The following AGBL4 variants were observed in gnomAD, a reference collection of about 807,000 sequenced individuals.
AGBL4 encodes the protein cytosolic carboxypeptidase 6.
In AGBL4, 58 loss-of-function variants were observed where a neutral mutation model predicts 66.4. That is an observed-to-expected ratio of 0.87 (90% CI 0.71 to 1.09). The LOEUF (loss-of-function observed/expected upper bound fraction) is 1.09. Among genes scored for constraint, AGBL4 ranks in the 50% least tolerant of loss-of-function variants. The pLI, the probability that AGBL4 is intolerant of heterozygous loss-of-function variation, is 0.00. For synonymous variants in AGBL4, 234 were observed against 222.9 expected, an observed-to-expected ratio of 1.05 and a Z score of -0.44; for missense variants, 579 against 631.0, an observed-to-expected ratio of 0.92 and a Z score of 0.88.
intron 3 of AGBL4, among the ~76,000 whole-genome samples, chr1:49,263,490 A>G (rs1251966757): frequency 6.6e-6 from 1 of 152,128 alleles, no homozygotes; most frequent in Admixed American, 6.6e-5. Context: ...ATCAGACAAG[A>G]TATAGAAGGA....
chr1:48,711,478 T>A (rs186478), intron 6 of AGBL4, among the ~76,000 whole-genome samples: 1 of 152,062 alleles, frequency 6.6e-6, no homozygotes, highest in African/African-American at 2.4e-5. Flanking sequence ...ATCAGGGAGA[T>A]AAGCACCAGG....
chr1:49,667,488 A>C (rs1356114655), intron 3 of AGBL4, among the ~76,000 whole-genome samples: 4 of 152,294 alleles, frequency 2.6e-5, no homozygotes, highest in Non-Finnish European at 1.5e-5. Context: ...ATGTAGATTT[A>C]TCTTTAAAAT....
intron 3 of AGBL4, among the ~76,000 whole-genome samples, chr1:49,586,206 A>G (rs900548342): frequency 2.0e-5 from 3 of 151,936 alleles, no homozygotes; most frequent in South Asian, 2.1e-4. Context: ...TTATACTTGG[A>G]AAAAAAACAC....
intron 2 of AGBL4, among the ~76,000 whole-genome samples, chr1:49,751,382 T>C (rs2147837799): frequency 6.6e-6 from 1 of 152,338 alleles, no homozygotes; most frequent in African/African-American, 2.4e-5. Flanking sequence ...ATGAATTACG[T>C]TTACTGATTT....
intron 9 of AGBL4, among the ~76,000 whole-genome samples, chr1:48,620,432 A>C (rs1040114148): frequency 6.6e-6 from 1 of 151,968 alleles, no homozygotes; most frequent in Non-Finnish European, 1.5e-5. Context: ...GCGCACCATC[A>C]TGCTCGGCTT....
chr1:48,654,453 C>T (rs1283394000), intron 7 of AGBL4, among the ~76,000 whole-genome samples: 1 of 152,128 alleles, frequency 6.6e-6, no homozygotes, highest in Non-Finnish European at 1.5e-5. Context: ...TCATCAGAGA[C>T]CTGAAAAAGA....
At chr1:49,215,223 T>C (rs1191895680) in intron 4 of AGBL4, among the ~76,000 whole-genome samples, 1 of 152,146 alleles carries the variant, frequency 6.6e-6, no homozygotes, top group East Asian at 1.9e-4. Context: ...TTGCCTTGTT[T>C]GCATGATTGA....
At chr1:49,135,516 G>A (rs1645993511) in intron 4 of AGBL4, among the ~76,000 whole-genome samples, 2 of 152,024 alleles carry the variant, frequency 1.3e-5, no homozygotes, top group Non-Finnish European at 2.9e-5. Context: ...CCTGAACAGA[G>A]ATTTACCCAC....
At chr1:49,272,384 T>C (rs1644080133) in intron 3 of AGBL4, among the ~76,000 whole-genome samples, 1 of 152,174 alleles carries the variant, frequency 6.6e-6, no homozygotes. Context: ...CTGAGCACAG[T>C]GGTCCAATTA....
rs536486811 is a variant in AGBL4 at position 49,962,268 on chromosome 1, C to A, written c.34+61495G>T. On this transcript the variant is annotated intron_variant, in intron 1 of 13. Transcript: ENST00000371839. ...CGTTAAGTTGTCTAATAAAAAGAAT[C>A]TAAAAATCATTTTGCTCTGACTTCC... Among the ~76,000 whole-genome samples the A allele has an allele frequency of 9.9e-5, 15 of 152,214 alleles. No individual in the cohort carries two copies. In the South Asian group the frequency reaches 3.1e-3, roughly 32 times the overall value.
At chr1:49,968,322 T>G (rs1657749480) in intron 1 of AGBL4, among the ~76,000 whole-genome samples, 1 of 152,084 alleles carries the variant, frequency 6.6e-6, no homozygotes, top group Non-Finnish European at 1.5e-5. Flanking sequence ...GTCTTGCACA[T>G]TCACATACAT....
At chr1:50,007,254 A>C (rs555533924) in intron 1 of AGBL4, among the ~76,000 whole-genome samples, 77 of 152,328 alleles carry the variant, frequency 5.1e-4, no homozygotes, top group South Asian at 1.9e-3. Flanking sequence ...AGAAATTAAA[A>C]TATACCTCAC....
chr1:49,629,417 T>G (rs1645526524), intron 3 of AGBL4, among the ~76,000 whole-genome samples: 1 of 152,178 alleles, frequency 6.6e-6, no homozygotes, highest in South Asian at 2.1e-4. Flanking sequence ...TCTTCCTTCC[T>G]CACTATGATA....
At chr1:49,051,338 T>C (rs1644206546) in intron 4 of AGBL4, among the ~76,000 whole-genome samples, 1 of 152,150 alleles carries the variant, frequency 6.6e-6, no homozygotes, top group South Asian at 2.1e-4. Flanking sequence ...TGATGCACAC[T>C]ACTGTCTGAA....
chr1:49,366,944 A>C (rs531935677), intron 3 of AGBL4, among the ~76,000 whole-genome samples: 1 of 152,178 alleles, frequency 6.6e-6, no homozygotes. Context: ...CTGACATTCT[A>C]CTTGGAATGG....
intron 3 of AGBL4, among the ~76,000 whole-genome samples, chr1:49,574,656 C>T (rs1644399725): frequency 6.6e-6 from 1 of 152,030 alleles, no homozygotes. Flanking sequence ...CACTCAACTA[C>T]AAAATTTAAA....
intron 5 of AGBL4, among the ~76,000 whole-genome samples, chr1:49,027,049 A>G (rs1021962536): frequency 5.3e-5 from 8 of 152,164 alleles, no homozygotes; most frequent in Non-Finnish European, 1.0e-4. Context: ...AAAAGAGTCA[A>G]TGAAATAGGC....
chr1:48,961,080 GGTGTGTGTGTGT>G (rs140660896), intron 5 of AGBL4, among the ~76,000 whole-genome samples: 1 of 148,626 alleles, frequency 6.7e-6, no homozygotes, highest in Non-Finnish European at 1.5e-5. Flanking sequence ...CCCAGTCTGG[GGTGTGTGTGTGT>G]GTGTGTGTGT....
At chr1:49,657,179 G>A (rs893281701) in intron 3 of AGBL4, among the ~76,000 whole-genome samples, 4 of 152,176 alleles carry the variant, frequency 2.6e-5, no homozygotes, top group African/African-American at 9.7e-5. Flanking sequence ...CAAAATCAAT[G>A]TGCAAAAATC....
Sources: allele counts gnomAD v4.1 joint callset (sites outside exome capture counted in the v4.1 genomes callset), GRCh38; gene constraint gnomAD v4.1.1; transcripts MANE v1.5; gene names NCBI Gene and HGNC (gene_info 2026-07-23, HGNC 2026-07-21).